ATCAY: variants seen among roughly 807,000 people sequenced by gnomAD.
The protein encoded by ATCAY is ATCAY kinesin light chain interacting caytaxin.
A neutral mutation model predicts 47.7 loss-of-function variants in ATCAY; 22 were observed. The ratio of observed to expected loss-of-function variants is 0.46; its 90% CI spans 0.33 to 0.66. ATCAY has a LOEUF of 0.66. ATCAY is among the 30% of genes least tolerant of loss of function. The pLI is 0.02. For missense variants in ATCAY, 452 were observed against 515.0 expected (o/e 0.88, Z 1.18); for synonymous variants, 216 against 207.6 (o/e 1.04, Z -0.35).
At chr19:3,908,151 G>A (rs948630232) in intron 5 of ATCAY, 117 bp from the exon 6 acceptor site, 11 of 1,068,694 alleles carry the variant, frequency 1.0e-5, no homozygotes, top group Non-Finnish European at 1.5e-5. Flanking sequence ...CGGCTGCTGT[G>A]GCTCGGAGCC....
In ATCAY at chr19:3,922,534, G is replaced by A. The variant is rs375887945; in HGVS notation, c.1106+1736G>A. The stretch of plus-strand genomic sequence containing the variant: ...CCGCCCACGACAAGTGGGGTTATGG[G>A]AACTACAATTCAAGATGAGATTTGG... On this transcript the variant is annotated intron_variant, in intron 12 of 12. Transcript: ENST00000450849. Among the ~76,000 whole-genome samples the A allele has an allele frequency of 1.8e-4, 28 of 152,212 alleles. No individual in the cohort carries two copies. In the East Asian group the frequency reaches 5.2e-3, roughly 28 times the overall value.
At chr19:3,894,753 A>G (rs886088254) in intron 2 of ATCAY, among the ~76,000 whole-genome samples, 6 of 151,790 alleles carry the variant, frequency 4.0e-5, no homozygotes, top group Middle Eastern at 3.4e-3. Flanking sequence ...GTTCAAGACC[A>G]GCCTAGGCAC....
intron 9 of ATCAY, 51 bp downstream of exon 9, chr19:3,913,907 T>C: frequency 6.6e-7 from 1 of 1,518,022 alleles, no homozygotes; most frequent in Non-Finnish European, 9.1e-7. Context: ...TTCGTGCTGC[T>C]GATAAAGACA....
Position 3,907,699 on chromosome 19 carries a change from TG to T in ATCAY, c.359-33del. 1 of 1,611,208 alleles carries T rather than the reference TG, an allele frequency of 6.2e-7. No individual in the cohort carries two copies. Among genetic ancestry groups the T allele is most frequent in the Non-Finnish European group, 8.5e-7 (1 of 1,178,550 alleles). ...AGGAGGGCAGGAGATATCCGGACTC[TG>T]GCGTCCATGCGACTCTCCGCCACCT... On this transcript the variant is annotated intron_variant, in intron 4 of 12. Coordinates refer to ENST00000450849, the MANE Select transcript of ATCAY (RefSeq NM_033064.5). This position sits in a 1 kb window ranked among gnomAD's most constrained non-coding sequence, Gnocchi z 5.1.
chr19:3,907,969 G>T lies in ATCAY; in HGVS notation c.544+50G>T, dbSNP rs1364964436. On this transcript the variant is annotated intron_variant, in intron 5 of 12. Coordinates refer to ENST00000450849, the MANE Select transcript of ATCAY (RefSeq NM_033064.5). This position sits in a 1 kb window ranked among gnomAD's most constrained non-coding sequence, Gnocchi z 5.1. The stretch of plus-strand genomic sequence containing the variant: ...CTTGGGGCTCCAGCCCGGCCCACTG[G>T]GCAACAGGGGGTTCGTCAGTGCCCC... 1.3e-6 allele frequency: 2 copies of T among 1,580,980 alleles called. No individual in the cohort carries two copies. Among genetic ancestry groups the T allele is most frequent in the Admixed American group, 3.7e-5 (2 of 54,294 alleles).
chr19:3,909,870 A>T (rs1018059775), intron 7 of ATCAY, among the ~76,000 whole-genome samples: 1 of 152,170 alleles, frequency 6.6e-6, no homozygotes, highest in Non-Finnish European at 1.5e-5. Context: ...GGATCACCTG[A>T]GGTCAGGAGT....
intron 3 of ATCAY, among the ~76,000 whole-genome samples, chr19:3,903,916 A>C (rs1361989585): frequency 2.0e-5 from 3 of 150,630 alleles, no homozygotes; most frequent in African/African-American, 7.3e-5. Context: ...AGGCGGGCAG[A>C]TCACGAGGTC....
chr19:3,925,187 A>G lies in ATCAY; in HGVS notation c.*595A>G, dbSNP rs1252948361. ...CATTTGACCCGCCCCCTTCTCGCTC[A>G]TAATGACACCCAGCTCCTTTGAGAG... On this transcript the variant is annotated 3_prime_UTR_variant, in exon 13 of 13. Coordinates refer to ENST00000450849, the MANE Select transcript of ATCAY (RefSeq NM_033064.5). The surrounding 1 kb of genome is among the most constrained non-coding windows in gnomAD (Gnocchi z 4.4). 1 of 152,888 alleles carries G rather than the reference A, an allele frequency of 6.5e-6. No homozygotes were observed. Among genetic ancestry groups the G allele is most frequent in the African/African-American group, 2.4e-5 (1 of 41,456 alleles). The allele number at this position is 152,888 out of a possible 1,614,324, so 9.5% of individuals were successfully genotyped here. A position where few individuals can be genotyped will look rare whatever the true frequency, so the allele number is the denominator to read the frequency against.
chr19:3,918,682 C>A, intron 10 of ATCAY, 124 bp from the exon 11 acceptor site: 2 of 915,654 alleles, frequency 2.2e-6, no homozygotes. Context: ...CAGGGAACAT[C>A]TCACTGGTTT....
chr19:3,887,981 G>A (rs1189921159), intron 2 of ATCAY, among the ~76,000 whole-genome samples: 1 of 151,874 alleles, frequency 6.6e-6, no homozygotes, highest in Admixed American at 6.6e-5. Flanking sequence ...TGGGCATGGT[G>A]GTGCACGCCT....
At chr19:3,903,384 C>A (rs948425503) in intron 3 of ATCAY, among the ~76,000 whole-genome samples, 1 of 152,038 alleles carries the variant, frequency 6.6e-6, no homozygotes, top group Non-Finnish European at 1.5e-5. Context: ...CGTAACCTGG[C>A]GATTGCAACG....
intron 2 of ATCAY, among the ~76,000 whole-genome samples, chr19:3,898,120 C>G (rs1437452440): frequency 1.3e-5 from 2 of 152,112 alleles, no homozygotes; most frequent in African/African-American, 4.8e-5. Context: ...CCCTCTCCCC[C>G]AACCCCAGTG....
intron 3 of ATCAY, among the ~76,000 whole-genome samples, chr19:3,903,129 A>C (rs1364877071): frequency 6.6e-6 from 1 of 151,946 alleles, no homozygotes. Flanking sequence ...GCACACCACC[A>C]TGGCTGGCTA....
rs1299213637 is a variant in ATCAY, at chr19:3,927,615, T to C, written c.*3023T>C. ...TATGCCGTGGCCCACCCACGCCCCTTTGGATCACCAGCAGTCACAGACAAC... is the reference window on the plus strand; with the variant it reads ...TATGCCGTGGCCCACCCACGCCCCTCTGGATCACCAGCAGTCACAGACAAC... On this transcript the variant is annotated 3_prime_UTR_variant, in exon 13 of 13. Coordinates refer to ENST00000450849, the MANE Select transcript of ATCAY (RefSeq NM_033064.5). 1 of 152,218 alleles carries C rather than the reference T, an allele frequency of 6.6e-6. No homozygotes were observed. The highest frequency in any genetic ancestry group is 2.4e-5 in the African/African-American group (1 of 41,428). 9.4% of individuals were successfully genotyped at this position (152,218 alleles called of 1,614,324 possible). A position where few individuals can be genotyped will look rare whatever the true frequency, so the allele number is the denominator to read the frequency against.
At chr19:3,885,247 C>T (rs555574211) in intron 1 of ATCAY, among the ~76,000 whole-genome samples, 10 of 150,078 alleles carry the variant, frequency 6.7e-5, no homozygotes, top group African/African-American at 2.0e-4. Context: ...AGTGAAACCC[C>T]GTCTCTATTA....
chr19:3,915,775 G>T (rs1269965875), intron 9 of ATCAY, among the ~76,000 whole-genome samples: 4 of 129,038 alleles, frequency 3.1e-5, no homozygotes, highest in Non-Finnish European at 4.8e-5. Flanking sequence ...GGCTGGTCTC[G>T]AACTCCCGAC....
chr19:3,887,459 A>ATTTTATTTTATTTT (rs2038667914), intron 2 of ATCAY, among the ~76,000 whole-genome samples: 1 of 150,880 alleles, frequency 6.6e-6, no homozygotes, highest in Non-Finnish European at 1.5e-5. Flanking sequence ...CTCTGTCTCT[A>ATTTTATTTTATTTT]TTTTATTTTA....
intron 10 of ATCAY, 136 bp downstream of exon 10, chr19:3,917,913 T>C (rs1293807263): frequency 1.3e-5 from 11 of 879,210 alleles, no homozygotes; most frequent in African/African-American, 1.7e-5. Flanking sequence ...GCTGCCCTTC[T>C]GGCAAGGACT....
intron 8 of ATCAY, among the ~76,000 whole-genome samples, chr19:3,911,776 G>A (rs142807277): frequency 8.9e-4 from 136 of 152,070 alleles, no homozygotes; most frequent in African/African-American, 2.9e-3. Flanking sequence ...TAATGTTCAC[G>A]TTCCCAGTTA....
Sources: allele counts gnomAD v4.1 joint callset (sites outside exome capture counted in the v4.1 genomes callset), GRCh38; gene constraint gnomAD v4.1.1; non-coding constraint Gnocchi (gnomAD v3.1); transcripts MANE v1.5; gene names NCBI Gene and HGNC (gene_info 2026-07-23, HGNC 2026-07-21).